The following KLF15 variants were observed in gnomAD, a reference collection of about 807,000 sequenced individuals.
KLF15 encodes the protein KLF transcription factor 15, also known as Krueppel-like factor 15.
A neutral mutation model predicts 24.6 loss-of-function variants in KLF15; 4 were observed. The observed-to-expected ratio is 0.16, with a 90% CI of 0.08 to 0.37. The LOEUF is 0.37. Among genes scored for constraint, KLF15 ranks in the 10% least tolerant of loss-of-function variants. The pLI is 1.00. For missense variants in KLF15, 496 were observed against 560.6 expected (o/e 0.88, Z 1.16); for synonymous variants, 246 against 236.3 (o/e 1.04, Z -0.37).
In KLF15 at chr3:126,357,226, G is replaced by T. The variant is rs1037218115; in HGVS notation, c.-26+11C>A. 6 of 149,982 alleles carry T rather than the reference G, an allele frequency of 4.0e-5. No individual in the cohort carries two copies. The highest frequency in any genetic ancestry group is 1.5e-4 in the African/African-American group (6 of 41,068). 9.3% of individuals were successfully genotyped at this position (149,982 alleles called of 1,614,324 possible). The stretch of plus-strand genomic sequence containing the variant: ...CCACGCGGCCGGCCGGCCCCGCCGC[G>T]CCTCTCCCACCTGAACTTGGCGCAC... On this transcript the variant is annotated intron_variant, in intron 1 of 2. Coordinates refer to ENST00000296233, the MANE Select transcript of KLF15 (RefSeq NM_014079.4).
chr3:126,355,521 T>C (rs2082623534), intron 1 of KLF15, among the ~76,000 whole-genome samples: 1 of 151,698 alleles, frequency 6.6e-6, no homozygotes, highest in African/African-American at 2.4e-5. Flanking sequence ...GTCACCCCTG[T>C]GGGGGCCTCC....
In KLF15 at chr3:126,343,051, T is replaced by G. The variant is rs911089087; in HGVS notation, c.*676A>C. The G allele has an allele frequency of 1.3e-5, 2 of 150,418 alleles. No individual in the cohort carries two copies. Among genetic ancestry groups the G allele is most frequent in the African/African-American group, 4.9e-5 (2 of 40,860 alleles). The allele number at this position is 150,418 out of a possible 1,614,324, so 9.3% of individuals were successfully genotyped here. On this transcript the variant is annotated 3_prime_UTR_variant, in exon 3 of 3. Coordinates refer to ENST00000296233, the MANE Select transcript of KLF15 (RefSeq NM_014079.4). ...CCCTGGGTACAGGCCCTTCTGGCTC[T>G]GTCTGCCCTGCACATTTAACTCAAG...
the KLF15 span, among the ~76,000 whole-genome samples, chr3:126,304,379 A>T: frequency 0.08 from 12,146 of 152,236 alleles, 514 homozygotes; most frequent in South Asian, 0.18. Context: ...GGCTGGTGGA[A>T]ACAGGCACTC....
rs2082494025 is a variant in KLF15 at position 126,343,158 on chromosome 3, C to A, written c.*569G>T. On this transcript the variant is annotated 3_prime_UTR_variant, in exon 3 of 3. Coordinates refer to ENST00000296233, the MANE Select transcript of KLF15 (RefSeq NM_014079.4). ...GGCCCAGCGGCCCGGTCCTGCCCCC[C>A]CCCCCCCCCCCCCCCCCCCCCGGCT... 1 of 14,040 alleles carries A rather than the reference C, an allele frequency of 7.1e-5. No individual in the cohort carries two copies. Among genetic ancestry groups the A allele is most frequent in the Non-Finnish European group, 4.7e-4 (1 of 2,112 alleles). 0.9% of individuals were successfully genotyped at this position (14,040 alleles called of 1,614,324 possible).
At chr3:126,328,273 T>G in the KLF15 span, among the ~76,000 whole-genome samples, 1 of 152,232 alleles carries the variant, frequency 6.6e-6, no homozygotes, top group African/African-American at 2.4e-5. Flanking sequence ...TTCCTTTTTA[T>G]GGCTGAGTAG....
chr3:126,329,596 C>T, the KLF15 span, among the ~76,000 whole-genome samples: 28,196 of 152,034 alleles, frequency 0.19, 2,839 homozygotes, highest in South Asian at 0.31. Context: ...CCACCATTGT[C>T]GTGTCATATT....
chr3:126,352,503 G>A lies in KLF15; in HGVS notation c.420C>T (p.Thr140=), dbSNP rs1299539736. ...PDDVPRPFQP[T]LEEIEEFLEE... ...CCAGAAACTCTTCAATCTCCTCCAG[G>A]GTAGGCTGGAAGGGCCGTGGGACGT... Residue 140 remains threonine (T), a synonymous_variant, in exon 2 of 3, where the codon ACC becomes ACT. Coordinates refer to ENST00000296233, the MANE Select transcript of KLF15 (RefSeq NM_014079.4). 4 of 1,613,188 alleles carry A rather than the reference G, an allele frequency of 2.5e-6. No individual in the cohort carries two copies. The highest frequency in any genetic ancestry group is 1.7e-5 in the Admixed American group (1 of 60,010).
At chr3:126,342,276 A>G (rs60435210), downstream of KLF15, among the ~76,000 whole-genome samples, 3,013 of 152,278 alleles carry the variant, frequency 0.02, 97 homozygotes, top group African/African-American at 0.068. Context: ...GGTTTGGTGG[A>G]CTGGATGGGG....
the KLF15 span, among the ~76,000 whole-genome samples, chr3:126,292,596 G>A: frequency 1.3e-5 from 2 of 152,204 alleles, no homozygotes; most frequent in Admixed American, 6.5e-5. Flanking sequence ...TGATAAACAC[G>A]AGGATCAGTG....
In KLF15 at chr3:126,343,373, C is replaced by A; in HGVS notation, c.*354G>T. The A allele has an allele frequency of 3.5e-6, 1 of 284,022 alleles. No individual in the cohort carries two copies. The highest frequency in any genetic ancestry group is 4.9e-5 in the South Asian group (1 of 20,212). The allele number at this position is 284,022 out of a possible 1,614,324, so 17.6% of individuals were successfully genotyped here. ...CTAGCACTAAAGTTCTGGCCTTGGCCCAGGATGGGGGAGCCCAGTGGGAGA... is the reference window on the plus strand; with the variant it reads ...CTAGCACTAAAGTTCTGGCCTTGGCACAGGATGGGGGAGCCCAGTGGGAGA... On this transcript the variant is annotated 3_prime_UTR_variant, in exon 3 of 3. Coordinates refer to ENST00000296233, the MANE Select transcript of KLF15 (RefSeq NM_014079.4).
At chr3:126,337,455 T>G in the KLF15 span, among the ~76,000 whole-genome samples, 1 of 139,148 alleles carries the variant, frequency 7.2e-6, no homozygotes, top group Non-Finnish European at 1.5e-5. Flanking sequence ...AGGGATAGCA[T>G]TGGGAGATAT....
At chr3:126,303,017 TG>T in the KLF15 span, among the ~76,000 whole-genome samples, 1 of 152,148 alleles carries the variant, frequency 6.6e-6, no homozygotes, top group African/African-American at 2.4e-5. Context: ...TCTCTTTTGT[TG>T]GCTTATATCT....
Position 126,352,880 on chromosome 3 carries a change from G to A in KLF15, c.43C>T (p.Pro15Ser), listed in dbSNP as rs1335532527. 3.1e-6 allele frequency: 5 copies of A among 1,611,772 alleles called. No individual in the cohort carries two copies. Among genetic ancestry groups the A allele is most frequent in the Non-Finnish European group, 4.2e-6 (5 of 1,179,244 alleles). ...LLPVDENFSS[P>S]KCPVGYLGDR... is the part of the protein sequence containing the mutation. The stretch of plus-strand genomic sequence containing the variant: ...CCCAGATACCCAACTGGGCATTTTG[G>A]CGACGAGAAGTTCTCGTCCACTGGA... Residue 15 changes from proline to serine, a missense_variant, in exon 2 of 3, where the codon CCA becomes TCA. Pro to Ser is a moderately conservative substitution (Grantham distance 74). Coordinates refer to ENST00000296233, the MANE Select transcript of KLF15 (RefSeq NM_014079.4).
chr3:126,302,931 A>G, the KLF15 span, among the ~76,000 whole-genome samples: 90 of 152,228 alleles, frequency 5.9e-4, no homozygotes, highest in Middle Eastern at 3.4e-3. Context: ...TAAATCTGCC[A>G]TCTTGCTACT....
At chr3:126,338,139 G>A (rs2107547239), downstream of KLF15, among the ~76,000 whole-genome samples, 1 of 152,346 alleles carries the variant, frequency 6.6e-6, no homozygotes. Context: ...GATGTGGATG[G>A]AATCCCAGCT....
At chr3:126,319,902 C>T in the KLF15 span, among the ~76,000 whole-genome samples, 11 of 151,982 alleles carry the variant, frequency 7.2e-5, no homozygotes, top group Non-Finnish European at 1.2e-4. Context: ...AGAGGGAGTA[C>T]GGAGCGACAG....
chr3:126,348,725 C>G (rs943662340), intron 2 of KLF15, among the ~76,000 whole-genome samples: 6 of 152,218 alleles, frequency 3.9e-5, no homozygotes, highest in Non-Finnish European at 8.8e-5. Flanking sequence ...CACGCGGGAG[C>G]CTGAGCCACA....
At chr3:126,303,860 G>A in the KLF15 span, among the ~76,000 whole-genome samples, 1 of 151,618 alleles carries the variant, frequency 6.6e-6, no homozygotes, top group African/African-American at 2.4e-5. Context: ...TTCTTTTGCT[G>A]TATCTTCAAT....
At chr3:126,323,834 T>A in the KLF15 span, among the ~76,000 whole-genome samples, 1 of 151,614 alleles carries the variant, frequency 6.6e-6, no homozygotes, top group East Asian at 1.9e-4. Flanking sequence ...GGTTTTCTGT[T>A]CCTGTGTTAG....
Sources: gnomAD v4.1 joint callset for allele counts (sites outside exome capture counted in the v4.1 genomes callset) on GRCh38, gnomAD v4.1.1 for gene constraint, MANE v1.5 for transcripts, NCBI Gene and HGNC (gene_info 2026-07-23, HGNC 2026-07-21) for gene names.